Variants in SPPL3 observed in about 807,000 individuals in gnomAD.
SPPL3 encodes signal peptide peptidase like 3.
In SPPL3, 5 loss-of-function variants were observed where a neutral mutation model predicts 42.4. The observed-to-expected ratio is 0.12, with a 90% CI of 0.06 to 0.25. SPPL3 has a LOEUF of 0.25. Among genes scored for constraint, SPPL3 ranks in the 10% least tolerant of loss-of-function variants. SPPL3 has a pLI of 1.00. For missense variants in SPPL3, 235 were observed against 489.0 expected (o/e 0.48, Z 4.90); for synonymous variants, 195 against 181.8 (o/e 1.07, Z -0.58).
intron 1 of SPPL3, among the ~76,000 whole-genome samples, chr12:120,871,138 A>AAAAAAAAAAAG (rs1872910683): frequency 3.3e-5 from 5 of 149,820 alleles, no homozygotes; most frequent in African/African-American, 7.3e-5. Context: ...TCCAAAAAAA[A>AAAAAAAAAAAG]AAAAAAAAAA....
chr12:120,836,132 G>C (rs1871611035), intron 1 of SPPL3, among the ~76,000 whole-genome samples: 1 of 152,018 alleles, frequency 6.6e-6, no homozygotes, highest in African/African-American at 2.4e-5. Flanking sequence ...TGGCCACCAA[G>C]AATGCCTCTC....
chr12:120,830,064 T>C (rs1254867869), intron 1 of SPPL3, among the ~76,000 whole-genome samples: 1 of 150,104 alleles, frequency 6.7e-6, no homozygotes. Context: ...GACTTTAGTA[T>C]CCCAGTGAAA....
At chr12:120,866,251 C>T (rs2137046061) in intron 1 of SPPL3, among the ~76,000 whole-genome samples, 1 of 152,316 alleles carries the variant, frequency 6.6e-6, no homozygotes, top group African/African-American at 2.4e-5. Flanking sequence ...CAAAACCAGT[C>T]CCTGGTGCCA....
chr12:120,824,975 G>C (rs947968401), intron 1 of SPPL3, among the ~76,000 whole-genome samples: 2 of 152,072 alleles, frequency 1.3e-5, no homozygotes, highest in South Asian at 4.1e-4. Flanking sequence ...AGATGGAATG[G>C]AACAAATGTT....
intron 1 of SPPL3, among the ~76,000 whole-genome samples, chr12:120,855,025 C>G (rs534424136): frequency 6.6e-6 from 1 of 152,098 alleles, no homozygotes. Context: ...AAGGAAGAAG[C>G]ATGCAGGGCT....
chr12:120,879,519 T>A (rs1873216030), intron 1 of SPPL3, among the ~76,000 whole-genome samples: 1 of 152,136 alleles, frequency 6.6e-6, no homozygotes, highest in Non-Finnish European at 1.5e-5. Context: ...AGCGTCTTAA[T>A]ATTTAAAGCA....
chr12:120,767,604 G>C lies in SPPL3; in HGVS notation c.774-11C>G, dbSNP rs202060693. ...TGGCTGCCAGTGGAGCTGGAATGCA[G>C]TTTCACAGGTTAGTGACGTCACACT... On this transcript the variant is annotated splice_polypyrimidine_tract_variant and intron_variant, in intron 8 of 10. Transcript: ENST00000353487. The C allele has an allele frequency of 6.2e-7, 1 of 1,613,772 alleles. No homozygotes were observed. The highest frequency in any genetic ancestry group is 1.3e-5 in the African/African-American group (1 of 75,050).
chr12:120,878,688 G>A (rs1050990346), intron 1 of SPPL3, among the ~76,000 whole-genome samples: 1 of 152,208 alleles, frequency 6.6e-6, no homozygotes, highest in African/African-American at 2.4e-5. Flanking sequence ...AAGCCCATAT[G>A]TAAGAAGTAT....
chr12:120,859,159 T>C (rs960071998), intron 1 of SPPL3, among the ~76,000 whole-genome samples: 3 of 150,876 alleles, frequency 2.0e-5, no homozygotes, highest in African/African-American at 7.3e-5. Context: ...GTTTCAGATC[T>C]CCCTCTTTTT....
At chr12:120,831,096 G>A (rs1015325958) in intron 1 of SPPL3, among the ~76,000 whole-genome samples, 1 of 152,034 alleles carries the variant, frequency 6.6e-6, no homozygotes, top group African/African-American at 2.4e-5. Flanking sequence ...TCTCCTTGAG[G>A]TGAAACATTC....
intron 6 of SPPL3, among the ~76,000 whole-genome samples, chr12:120,770,651 C>T (rs1869084443): frequency 1.3e-5 from 2 of 152,192 alleles, no homozygotes; most frequent in Admixed American, 1.3e-4. Context: ...TCCTGTTCCT[C>T]CCCACTCACT....
chr12:120,884,712 A>C (rs1426804319), intron 1 of SPPL3, among the ~76,000 whole-genome samples: 1 of 151,416 alleles, frequency 6.6e-6, no homozygotes, highest in East Asian at 1.9e-4. Context: ...CACCAATAAA[A>C]TATGGTATTA....
intron 1 of SPPL3, among the ~76,000 whole-genome samples, chr12:120,856,484 G>T (rs372234813): frequency 6.7e-6 from 1 of 148,412 alleles, no homozygotes; most frequent in East Asian, 2.0e-4. Context: ...CCACTGGTGT[G>T]GAGATGAACA....
At chr12:120,865,359 T>C (rs1180490665) in intron 1 of SPPL3, among the ~76,000 whole-genome samples, 1 of 152,242 alleles carries the variant, frequency 6.6e-6, no homozygotes, top group African/African-American at 2.4e-5. Flanking sequence ...CAGTACAGTG[T>C]GGTTTAAGAG....
In SPPL3 at chr12:120,763,306, C is replaced by A. The variant is rs763365263; in HGVS notation, c.*1693G>T. The A allele has an allele frequency of 6.6e-6, 1 of 152,660 alleles. No homozygotes were observed. Among genetic ancestry groups the A allele is most frequent in the Non-Finnish European group, 1.5e-5 (1 of 68,078 alleles). 9.5% of individuals were successfully genotyped at this position (152,660 alleles called of 1,614,324 possible). ...GAATTGATGACAACAACAGAGGAATCCAACACCCTGACTGCTTCAGACTCT... is the reference window on the plus strand; with the variant it reads ...GAATTGATGACAACAACAGAGGAATACAACACCCTGACTGCTTCAGACTCT... On this transcript the variant is annotated 3_prime_UTR_variant, in exon 11 of 11. Transcript: ENST00000353487.
chr12:120,794,671 G>A (rs1412108633), intron 2 of SPPL3, among the ~76,000 whole-genome samples: 1 of 152,150 alleles, frequency 6.6e-6, no homozygotes, highest in African/African-American at 2.4e-5. Flanking sequence ...GCTGGGATTA[G>A]AGGCGTGAGA....
chr12:120,844,581 CTA>C (rs1182603375), intron 1 of SPPL3, among the ~76,000 whole-genome samples: 1 of 152,180 alleles, frequency 6.6e-6, no homozygotes, highest in Non-Finnish European at 1.5e-5. Flanking sequence ...AATACAAACA[CTA>C]TGTCAGTTTC....
intron 6 of SPPL3, among the ~76,000 whole-genome samples, chr12:120,779,742 A>T (rs1253744861): frequency 7.1e-6 from 1 of 140,190 alleles, no homozygotes; most frequent in Non-Finnish European, 1.5e-5. Flanking sequence ...TGGGAGGCTG[A>T]GGCGGGTGGA....
At chr12:120,884,015 C>T (rs1233462652) in intron 1 of SPPL3, among the ~76,000 whole-genome samples, 4 of 150,728 alleles carry the variant, frequency 2.7e-5, no homozygotes, top group Non-Finnish European at 2.9e-5. Context: ...GCAGGCGAAT[C>T]GCTTGAACCC....
Sources: gnomAD v4.1 joint callset for allele counts (sites outside exome capture counted in the v4.1 genomes callset) on GRCh38, gnomAD v4.1.1 for gene constraint, MANE v1.5 for transcripts, NCBI Gene and HGNC (gene_info 2026-07-23, HGNC 2026-07-21) for gene names.